DENND5A: variants seen among roughly 807,000 people sequenced by gnomAD.
The protein encoded by DENND5A is DENN domain-containing protein 5A.
Under a neutral mutation model 140.3 loss-of-function variants are expected in DENND5A, and 64 were observed. That is an observed-to-expected ratio of 0.46 (90% CI 0.37 to 0.56). The LOEUF is 0.56. Among genes scored for constraint, DENND5A ranks in the 20% least tolerant of loss-of-function variants. The probability of loss-of-function intolerance (pLI) is 0.00; values close to 1 mark genes in which losing one functional copy is unlikely to be tolerated. For synonymous variants in DENND5A, 605 were observed against 607.7 expected (o/e 1.00, Z 0.07); for missense variants, 1,292 against 1,593.8 (o/e 0.81, Z 3.22).
intron 11 of DENND5A, among the ~76,000 whole-genome samples, chr11:9,162,953 C>G (rs1204303787): frequency 6.6e-6 from 1 of 152,004 alleles, no homozygotes; most frequent in Non-Finnish European, 1.5e-5. Flanking sequence ...ATCCCCCCAC[C>G]TCAGCCTCCC....
At chr11:9,178,400 G>C (rs1564898739) in intron 7 of DENND5A, 34 bp from the exon 8 acceptor site, 1 of 1,363,506 alleles carries the variant, frequency 7.3e-7, no homozygotes, top group Non-Finnish European at 1.0e-6. Flanking sequence ...TAATTGACAG[G>C]GAAAAGGGTA....
rs1277117017 is a variant in DENND5A, at chr11:9,169,985, T to C, written c.2058-36A>G. 2.8e-6 allele frequency: 4 copies of C among 1,441,882 alleles called. No homozygotes were observed. The South Asian group carries it at 3.4e-5, about 12-fold the overall frequency. The allele number at this position is 1,441,882 out of a possible 1,614,324, so 89.3% of individuals were successfully genotyped here. ...CAGAACCAAAGCAGGCAATTAATAA[T>C]GTCTCACTTAAAAAGCAATGTCAAC... On this transcript the variant is annotated intron_variant, in intron 9 of 22. Coordinates refer to ENST00000328194, the MANE Select transcript of DENND5A (RefSeq NM_015213.4).
intron 4 of DENND5A, among the ~76,000 whole-genome samples, chr11:9,202,229 T>C (rs895739923): frequency 1.3e-5 from 2 of 152,322 alleles, no homozygotes; most frequent in African/African-American, 2.4e-5. Context: ...AAGCAATGCA[T>C]GATATGGCAC....
At chr11:9,212,158 A>C (rs1849906362) in intron 1 of DENND5A, among the ~76,000 whole-genome samples, 1 of 152,064 alleles carries the variant, frequency 6.6e-6, no homozygotes, top group Non-Finnish European at 1.5e-5. Flanking sequence ...GCCAAGGTTG[A>C]GAGGACTGCT....
In DENND5A at chr11:9,139,461, T is replaced by C; in HGVS notation, c.*210A>G. 1.8e-6 allele frequency: 1 copy of C among 565,756 alleles called. No individual in the cohort carries two copies. Among genetic ancestry groups the C allele is most frequent in the Non-Finnish European group, 3.1e-6 (1 of 321,350 alleles). 35.0% of individuals were successfully genotyped at this position (565,756 alleles called of 1,614,324 possible). A position where few individuals can be genotyped will look rare whatever the true frequency, so the allele number is the denominator to read the frequency against. Reference sequence around the variant, plus strand: ...GCACCAGCCTCGCTCCCTCTCCCTATCACTCTTTCACATGAAAGTGTGTAA... The same window carrying C: ...GCACCAGCCTCGCTCCCTCTCCCTACCACTCTTTCACATGAAAGTGTGTAA... On this transcript the variant is annotated 3_prime_UTR_variant, in exon 23 of 23. Coordinates refer to ENST00000328194, the MANE Select transcript of DENND5A (RefSeq NM_015213.4).
At chr11:9,243,235 T>C (rs1851322162) in intron 1 of DENND5A, among the ~76,000 whole-genome samples, 1 of 151,968 alleles carries the variant, frequency 6.6e-6, no homozygotes, top group African/African-American at 2.4e-5. Context: ...CAGAGCTAGA[T>C]GGGCAGACTG....
intron 10 of DENND5A, 112 bp from the exon 11 acceptor site, chr11:9,166,079 T>G: frequency 9.6e-7 from 1 of 1,045,450 alleles, no homozygotes; most frequent in Non-Finnish European, 1.4e-6. Context: ...TTCTTTTTTT[T>G]TCTTTTTCTT....
chr11:9,178,072 A>ATAT, intron 8 of DENND5A, 60 bp downstream of exon 8: 2 of 1,152,502 alleles, frequency 1.7e-6, no homozygotes, highest in Non-Finnish European at 2.6e-6. Flanking sequence ...ATTTAGGAAA[A>ATAT]GGGACATGTT....
At chr11:9,208,934 A>G (rs2136218801) in intron 1 of DENND5A, among the ~76,000 whole-genome samples, 1 of 152,328 alleles carries the variant, frequency 6.6e-6, no homozygotes, top group East Asian at 1.9e-4. Flanking sequence ...GAGCCCACCC[A>G]TGGTAAGCCT....
rs758154698 is a variant in DENND5A at position 9,160,827 on chromosome 11, A to T, written c.2322T>A (p.Ala774=). Residue 774 remains alanine (A), a synonymous_variant, in exon 12 of 23, where the codon GCT becomes GCA. Coordinates refer to ENST00000328194, the MANE Select transcript of DENND5A (RefSeq NM_015213.4). ...RMLVEKMGRE[A]VELGHGEVNI... ...TCACCTCCCCATGCCCTAGCTCCAC[A>T]GCTTCTCGGCCCATCTTTTCCACCA... 1.2e-6 allele frequency: 2 copies of T among 1,613,980 alleles called. No homozygotes were observed. Among genetic ancestry groups the T allele is most frequent in the Admixed American group, 3.3e-5 (2 of 60,008 alleles).
At chr11:9,237,236 G>A (rs1851041610) in intron 1 of DENND5A, among the ~76,000 whole-genome samples, 1 of 151,536 alleles carries the variant, frequency 6.6e-6, no homozygotes, top group Non-Finnish European at 1.5e-5. Flanking sequence ...GACCAACATG[G>A]TAAAACCCCG....
At chr11:9,218,718 T>C (rs1050574896) in intron 1 of DENND5A, among the ~76,000 whole-genome samples, 1 of 151,870 alleles carries the variant, frequency 6.6e-6, no homozygotes. Context: ...CAAAAATAAA[T>C]GTATTGGGCC....
chr11:9,186,809 G>A (rs752082747), intron 5 of DENND5A, among the ~76,000 whole-genome samples: 4 of 152,148 alleles, frequency 2.6e-5, no homozygotes, highest in Non-Finnish European at 5.9e-5. Context: ...AGCCGGGTGC[G>A]GTGGCTCACG....
chr11:9,187,482 A>G (rs1181819041), intron 5 of DENND5A, among the ~76,000 whole-genome samples: 5 of 152,158 alleles, frequency 3.3e-5, no homozygotes, highest in South Asian at 2.1e-4. Context: ...CAAGGTCACA[A>G]TGATCTTTCC....
chr11:9,147,829 T>C (rs1338309457), intron 15 of DENND5A, among the ~76,000 whole-genome samples: 1 of 152,150 alleles, frequency 6.6e-6, no homozygotes, highest in Non-Finnish European at 1.5e-5. Flanking sequence ...AAAGCAATGA[T>C]ATCTTCCCCC....
intron 1 of DENND5A, among the ~76,000 whole-genome samples, chr11:9,259,153 G>C (rs1852080484): frequency 6.6e-6 from 1 of 151,942 alleles, no homozygotes. Flanking sequence ...CCAGCTACTT[G>C]AGAGGCTGAG....
At chr11:9,150,582 C>T in intron 14 of DENND5A, 98 bp downstream of exon 14, 1 of 769,980 alleles carries the variant, frequency 1.3e-6, no homozygotes, top group Non-Finnish European at 2.2e-6. Flanking sequence ...AGCTGAGATG[C>T]TGTAGCAGCC....
At chr11:9,160,568 TTTAA>T (rs1161662408) in intron 12 of DENND5A, 141 bp downstream of exon 12, 36 of 577,674 alleles carry the variant, frequency 6.2e-5, no homozygotes, top group Middle Eastern at 2.8e-4. Context: ...ATCACATTTA[TTTAA>T]TTGTTTATTT....
intron 12 of DENND5A, among the ~76,000 whole-genome samples, chr11:9,156,810 G>A (rs1847818250): frequency 6.6e-6 from 1 of 150,824 alleles, no homozygotes. Flanking sequence ...AGGAAAGAGA[G>A]AAGGGGAGGG....
Sources: allele counts gnomAD v4.1 joint callset (sites outside exome capture counted in the v4.1 genomes callset), GRCh38; gene constraint gnomAD v4.1.1; transcripts MANE v1.5; gene names NCBI Gene and HGNC (gene_info 2026-07-23, HGNC 2026-07-21).